The following PPP1R21 variants were observed in gnomAD, a reference collection of about 807,000 sequenced individuals.
The protein encoded by PPP1R21 is protein phosphatase 1 regulatory subunit 21.
A neutral mutation model predicts 112.8 loss-of-function variants in PPP1R21; 85 were observed. The observed-to-expected ratio is 0.75, with a 90% CI of 0.63 to 0.90. PPP1R21 has a LOEUF of 0.90. Among genes scored for constraint, PPP1R21 ranks in the 40% least tolerant of loss-of-function variants. The pLI, the probability that PPP1R21 is intolerant of heterozygous loss-of-function variation, is 0.00. For missense variants in PPP1R21, 1,199 were observed against 901.5 expected, an observed-to-expected ratio of 1.33 and a Z score of -4.23; for synonymous variants, 381 against 322.3, an observed-to-expected ratio of 1.18 and a Z score of -1.95.
chr2:48,483,323 A>C (rs1024276003), intron 13 of PPP1R21, among the ~76,000 whole-genome samples: 43 of 148,844 alleles, frequency 2.9e-4, no homozygotes, highest in Non-Finnish European at 8.9e-5. Context: ...CTGGGACTAC[A>C]GGTGTGCGTC....
intron 14 of PPP1R21, among the ~76,000 whole-genome samples, chr2:48,489,906 G>A (rs949701716): frequency 6.6e-5 from 10 of 152,076 alleles, no homozygotes; most frequent in East Asian, 1.9e-4. Context: ...TAGCTGGGAC[G>A]TGGTGGTGCA....
At chr2:48,489,562 A>C (rs1669463652) in intron 14 of PPP1R21, among the ~76,000 whole-genome samples, 1 of 151,610 alleles carries the variant, frequency 6.6e-6, no homozygotes, top group African/African-American at 2.4e-5. Context: ...GCTGGTCTTG[A>C]ACTCTGGGCT....
intron 16 of PPP1R21, 151 bp downstream of exon 16, chr2:48,495,922 C>T: frequency 3.6e-6 from 2 of 548,554 alleles, no homozygotes; most frequent in South Asian, 2.5e-5. Context: ...AGCAAATAGA[C>T]ATAATTTGTT....
intron 7 of PPP1R21, among the ~76,000 whole-genome samples, chr2:48,464,658 C>T (rs62137054): frequency 0.24 from 36,714 of 151,918 alleles, 4,723 homozygotes; most frequent in Admixed American, 0.3. Context: ...CTAAGTAGTC[C>T]TGATAAGCCT....
intron 2 of PPP1R21, 89 bp downstream of exon 2, chr2:48,451,165 C>T (rs1476070820): frequency 1.0e-6 from 1 of 967,242 alleles, no homozygotes; most frequent in East Asian, 2.4e-5. Context: ...GGTTAAAGTT[C>T]CAACTCTGAC....
At chr2:48,469,332 GAGCATATATATATATAGCATATATATATA>G (rs1668363018) in intron 9 of PPP1R21, among the ~76,000 whole-genome samples, 1 of 20,258 alleles carries the variant, frequency 4.9e-5, no homozygotes. Context: ...TATATATATA[GAGCATATATATATATAGCATATATATATA>G]GAGCATATAT....
At chr2:48,464,031 C>A (rs984437786) in intron 7 of PPP1R21, among the ~76,000 whole-genome samples, 4 of 152,026 alleles carry the variant, frequency 2.6e-5, no homozygotes, top group African/African-American at 9.7e-5. Context: ...AGAGTTGAAG[C>A]CCCCTGGAGT....
chr2:48,452,201 G>A (rs960900014), intron 2 of PPP1R21, among the ~76,000 whole-genome samples: 1 of 152,192 alleles, frequency 6.6e-6, no homozygotes, highest in Non-Finnish European at 1.5e-5. Context: ...GCCTGCGCTG[G>A]TGTTTCATAC....
At chr2:48,502,676 CTTTTTTTTTTTTT>C (rs762811938) in intron 17 of PPP1R21, among the ~76,000 whole-genome samples, 149 of 94,046 alleles carry the variant, frequency 1.6e-3, no homozygotes, top group African/African-American at 5.5e-3. Flanking sequence ...AGAAACTTTT[CTTTTTTTTTTTTT>C]TTTTTTTTTG....
At chr2:48,493,828 A>C (rs1439403300) in intron 15 of PPP1R21, among the ~76,000 whole-genome samples, 14 of 152,092 alleles carry the variant, frequency 9.2e-5, no homozygotes. Flanking sequence ...TCTGTTCTTC[A>C]TCTATTTTGG....
At chr2:48,500,681 C>T (rs948060299) in intron 17 of PPP1R21, among the ~76,000 whole-genome samples, 14 of 152,054 alleles carry the variant, frequency 9.2e-5, no homozygotes, top group African/African-American at 2.7e-4. Flanking sequence ...AAGGCCGAGG[C>T]GGGTGGATTG....
chr2:48,467,876 T>C (rs1191163524), intron 9 of PPP1R21, among the ~76,000 whole-genome samples: 1 of 152,208 alleles, frequency 6.6e-6, no homozygotes, highest in Non-Finnish European at 1.5e-5. Flanking sequence ...TTGCTATACA[T>C]GTGTGCTGTA....
At chr2:48,457,251 C>T (rs557956917) in intron 3 of PPP1R21, among the ~76,000 whole-genome samples, 1 of 152,304 alleles carries the variant, frequency 6.6e-6, no homozygotes, top group East Asian at 1.9e-4. Flanking sequence ...ATACATCGTT[C>T]TGCAGTGTTC....
intron 17 of PPP1R21, among the ~76,000 whole-genome samples, chr2:48,500,138 G>A (rs1670043388): frequency 2.0e-5 from 3 of 151,986 alleles, no homozygotes; most frequent in Admixed American, 6.6e-5. Flanking sequence ...TTATCTTTAG[G>A]CCCTATTGCA....
At position 48,459,168 on chromosome 2, in the gene PPP1R21, A is replaced by G. The variant is rs572615739; in HGVS notation, c.376-586A>G. Among the ~76,000 whole-genome samples the G allele has an allele frequency of 1.0e-4, 15 of 147,826 alleles. No homozygotes were observed. In the East Asian group the frequency reaches 2.9e-3, roughly 29 times the overall value. Reference sequence around the variant, plus strand: ...CTCCTTACTTATTTTTTTTTGGTCAAATGGTAGGAAACACACACACACACA... The same window carrying G: ...CTCCTTACTTATTTTTTTTTGGTCAGATGGTAGGAAACACACACACACACA... On this transcript the variant is annotated intron_variant, in intron 4 of 21. Transcript: ENST00000294952.
At chr2:48,484,958 A>G (rs1669212086) in intron 13 of PPP1R21, among the ~76,000 whole-genome samples, 1 of 152,242 alleles carries the variant, frequency 6.6e-6, no homozygotes, top group Non-Finnish European at 1.5e-5. Context: ...AACATTGTAT[A>G]TACTTCCAGT....
intron 3 of PPP1R21, among the ~76,000 whole-genome samples, chr2:48,456,916 G>A (rs1193440743): frequency 6.6e-6 from 1 of 152,116 alleles, no homozygotes; most frequent in Non-Finnish European, 1.5e-5. Context: ...GCCCAGCATG[G>A]TGGTATGTGC....
chr2:48,485,766 A>G (rs1448851183), intron 13 of PPP1R21, among the ~76,000 whole-genome samples: 1 of 151,010 alleles, frequency 6.6e-6, no homozygotes, highest in East Asian at 1.9e-4. Flanking sequence ...AAAACAATCA[A>G]CAAAATTTCT....
chr2:48,489,211 A>T (rs1159890361), intron 14 of PPP1R21, among the ~76,000 whole-genome samples: 2 of 152,200 alleles, frequency 1.3e-5, no homozygotes, highest in African/African-American at 4.8e-5. Context: ...TGGCTAAAGC[A>T]TTTAGCCAGA....
Sources: allele counts gnomAD v4.1 joint callset (sites outside exome capture counted in the v4.1 genomes callset), GRCh38; gene constraint gnomAD v4.1.1; transcripts MANE v1.5; gene names NCBI Gene and HGNC (gene_info 2026-07-23, HGNC 2026-07-21).